CPA4: variants seen among roughly 807,000 people sequenced by gnomAD.
CPA4 encodes the protein carboxypeptidase A4.
A neutral mutation model predicts 54.7 loss-of-function variants in CPA4; 49 were observed. The observed-to-expected ratio is 0.90, with a 90% CI of 0.71 to 1.14. The LOEUF is 1.14. CPA4 is among the 50% of genes most tolerant of loss of function. CPA4 has a pLI of 0.00. For missense variants in CPA4, 487 were observed against 525.1 expected, an observed-to-expected ratio of 0.93 and a Z score of 0.71; for synonymous variants, 215 against 206.8, an observed-to-expected ratio of 1.04 and a Z score of -0.34.
At position 130,304,545 on chromosome 7, in the gene CPA4, A is replaced by G. The variant is rs1236355837; in HGVS notation, c.452A>G (p.His151Arg). ...CTGGCGAGGAGGGTGAAGATTGGAC[A>G]TTCGTTTGAAAACCGGCCGATGTAT... ...PDLARRVKIG[H>R]SFENRPMYVL... is the part of the protein sequence containing the mutation. Residue 151 changes from histidine (H) to arginine (R), a missense_variant, in exon 5 of 11, where the codon CAT (histidine) becomes CGT (arginine). By Grantham distance (29) the His-to-Arg change is conservative (BLOSUM62 0). Transcript: ENST00000222482. 6.2e-7 allele frequency: 1 copy of G among 1,613,518 alleles called. No individual in the cohort carries two copies. The highest frequency in any genetic ancestry group is 8.5e-7 in the Non-Finnish European group (1 of 1,179,518).
At chr7:130,313,514 GT>G (rs1793943806) in intron 10 of CPA4, among the ~76,000 whole-genome samples, 1 of 151,768 alleles carries the variant, frequency 6.6e-6, no homozygotes, top group Non-Finnish European at 1.5e-5. Context: ...GAGGAGTCTA[GT>G]TGGTCTTGGG....
intron 9 of CPA4, among the ~76,000 whole-genome samples, 160 bp downstream of exon 9, chr7:130,311,146 C>T (rs1314685801): frequency 6.6e-6 from 1 of 152,148 alleles, no homozygotes; most frequent in East Asian, 1.9e-4. Flanking sequence ...ATGCTGTCAT[C>T]TGCTGGGGAC....
Position 130,322,590 on chromosome 7 carries a change from C to T in CPA4, c.1180C>T (p.Pro394Ser). Residue 394 changes from proline to serine, a missense_variant, in exon 11 of 11, where the codon CCA becomes TCA. Pro to Ser is a moderately conservative substitution (Grantham distance 74). Coordinates refer to ENST00000222482, the MANE Select transcript of CPA4 (RefSeq NM_016352.4). Reference sequence around the variant, plus strand: ...TACCGGGACCTATGGCTTCCTCCTGCCAGCTAACCAGATCATCCCCACTGC... The same window carrying T: ...TACCGGGACCTATGGCTTCCTCCTGTCAGCTAACCAGATCATCCCCACTGC... Reference protein sequence around the residue: ...RDTGTYGFLLPANQIIPTAEE... With the variant: ...RDTGTYGFLLSANQIIPTAEE... The T allele has an allele frequency of 6.2e-7, 1 of 1,614,196 alleles. No homozygotes were observed. The highest frequency in any genetic ancestry group is 8.5e-7 in the Non-Finnish European group (1 of 1,180,026).
chr7:130,308,723 A>ATTTTTTTGTATTTTTC (rs199996063), intron 8 of CPA4, among the ~76,000 whole-genome samples: 1 of 145,182 alleles, frequency 6.9e-6, no homozygotes, highest in African/African-American at 2.7e-5. Context: ...ACGCCCGGCT[A>ATTTTTTTGTATTTTTC]TTTTTTTTCA....
intron 7 of CPA4, 35 bp from the exon 8 acceptor site, chr7:130,308,272 C>T: frequency 6.4e-7 from 1 of 1,570,290 alleles, no homozygotes; most frequent in Non-Finnish European, 8.8e-7. Flanking sequence ...TGATCTGCCT[C>T]TGGTTGTTTG....
At chr7:130,321,769 G>A (rs773187781) in intron 10 of CPA4, among the ~76,000 whole-genome samples, 6 of 152,112 alleles carry the variant, frequency 3.9e-5, no homozygotes, top group Non-Finnish European at 8.8e-5. Flanking sequence ...TCACTACCAC[G>A]AGAACAGTAT....
rs1794131998 is a variant in CPA4 at position 130,322,622 on chromosome 7, G to T, written c.1212G>T (p.Glu404Asp). 6.2e-7 allele frequency: 1 copy of T among 1,614,218 alleles called. No individual in the cohort carries two copies. Among genetic ancestry groups the T allele is most frequent in the Non-Finnish European group, 8.5e-7 (1 of 1,180,036 alleles). The change falls in exon 11 of 11, where the codon GAG (glutamate) becomes GAT (aspartate). Residue 404 changes from glutamate (E) to aspartate (D), a missense_variant. Transcript: ENST00000222482. Reference protein sequence around the residue: ...PANQIIPTAEETWLGLKTIME... With the variant: ...PANQIIPTAEDTWLGLKTIME... ...ACCAGATCATCCCCACTGCAGAGGAGACGTGGCTGGGGCTGAAGACCATCA... is the reference window on the plus strand; with the variant it reads ...ACCAGATCATCCCCACTGCAGAGGATACGTGGCTGGGGCTGAAGACCATCA...
chr7:130,311,925 A>G lies in CPA4; in HGVS notation c.994-113A>G, dbSNP rs138990193. ...GGGCGAAGGGGAAACAAGGGACCAGAAAGGAAATCGGGGGGGGCTGAGAAT... is the reference window on the plus strand; with the variant it reads ...GGGCGAAGGGGAAACAAGGGACCAGGAAGGAAATCGGGGGGGGCTGAGAAT... On this transcript the variant is annotated intron_variant, in intron 9 of 10. Transcript: ENST00000222482. 9.1e-6 allele frequency: 7 copies of G among 772,486 alleles called. No homozygotes were observed. In the Admixed American group the frequency reaches 1.5e-4, roughly 16 times the overall value. The allele number at this position is 772,486 out of a possible 1,614,324, so 47.9% of individuals were successfully genotyped here. A position where few individuals can be genotyped will look rare whatever the true frequency, so the allele number is the denominator to read the frequency against.
At chr7:130,300,755 A>G in intron 3 of CPA4, 61 bp from the exon 4 acceptor site, 1 of 1,188,856 alleles carries the variant, frequency 8.4e-7, no homozygotes, top group Non-Finnish European at 1.3e-6. Flanking sequence ...AAGATATGGC[A>G]GAAAAAACAT....
chr7:130,294,903 T>C (rs2117127718), intron 1 of CPA4, among the ~76,000 whole-genome samples: 1 of 152,322 alleles, frequency 6.6e-6, no homozygotes, highest in African/African-American at 2.4e-5. Context: ...AGGCTCTGGA[T>C]TGGCTGCTGA....
intron 10 of CPA4, among the ~76,000 whole-genome samples, chr7:130,317,277 T>C (rs2117162477): frequency 6.6e-6 from 1 of 152,336 alleles, no homozygotes; most frequent in East Asian, 1.9e-4. Flanking sequence ...TAACATGCTG[T>C]GCAGGCTTGT....
chr7:130,305,154 A>T (rs1038627), intron 5 of CPA4, among the ~76,000 whole-genome samples: 2 of 152,070 alleles, frequency 1.3e-5, no homozygotes, highest in African/African-American at 4.8e-5. Flanking sequence ...ATGGAACACC[A>T]ATGGTGCTAA....
At chr7:130,300,333 ATTTT>A (rs767924823) in intron 3 of CPA4, among the ~76,000 whole-genome samples, 53 of 124,422 alleles carry the variant, frequency 4.3e-4, no homozygotes, top group African/African-American at 1.5e-3. Context: ...CAAGAAGTAA[ATTTT>A]TTTTTTTTTT....
At chr7:130,294,781 G>A (rs1793623620) in intron 1 of CPA4, among the ~76,000 whole-genome samples, 1 of 152,212 alleles carries the variant, frequency 6.6e-6, no homozygotes, top group African/African-American at 2.4e-5. Flanking sequence ...CAAAGGTAGT[G>A]GAATTCTTCC....
In CPA4 at chr7:130,299,259, G is replaced by C. The variant is rs1468879639; in HGVS notation, c.151-11G>C. On this transcript the variant is annotated splice_polypyrimidine_tract_variant and intron_variant, in intron 2 of 10. Coordinates refer to ENST00000222482, the MANE Select transcript of CPA4 (RefSeq NM_016352.4). ...GGTCCTTTAACCTGGTTTCATTTCTGTTCCCTTCAGCTCAATTTCTGGAAA... is the reference window on the plus strand; with the variant it reads ...GGTCCTTTAACCTGGTTTCATTTCTCTTCCCTTCAGCTCAATTTCTGGAAA... The C allele has an allele frequency of 6.2e-7, 1 of 1,613,594 alleles. No individual in the cohort carries two copies. Among genetic ancestry groups the C allele is most frequent in the East Asian group, 2.2e-5 (1 of 44,886 alleles).
chr7:130,308,364 G>A lies in CPA4; in HGVS notation c.760G>A (p.Asp254Asn). The change falls in exon 8 of 11, where the codon GAC (aspartate) becomes AAC (asparagine). Residue 254 changes from aspartate (D) to asparagine (N), a missense_variant. Transcript: ENST00000222482. ...TCCTGGAAGCTCCTGCATTGGTGCTGACCCAAATAGAAACTGGAACGCTAG... is the reference window on the plus strand; with the variant it reads ...TCCTGGAAGCTCCTGCATTGGTGCTAACCCAAATAGAAACTGGAACGCTAG... ...RNPGSSCIGA[D>N]PNRNWNASFA... 6.2e-7 allele frequency: 1 copy of A among 1,614,184 alleles called. No individual in the cohort carries two copies. Among genetic ancestry groups the A allele is most frequent in the Admixed American group, 1.7e-5 (1 of 60,022 alleles).
intron 6 of CPA4, among the ~76,000 whole-genome samples, chr7:130,306,484 A>G (rs1793822997): frequency 1.3e-5 from 2 of 152,210 alleles, no homozygotes; most frequent in Non-Finnish European, 1.5e-5. Flanking sequence ...CCTAAAAACT[A>G]TTACAATGTG....
chr7:130,315,627 A>G (rs1399992197), intron 10 of CPA4, among the ~76,000 whole-genome samples: 1 of 152,174 alleles, frequency 6.6e-6, no homozygotes, highest in Non-Finnish European at 1.5e-5. Flanking sequence ...TTTGGAGGCG[A>G]CAATAGAAAT....
intron 2 of CPA4, 86 bp from the exon 3 acceptor site, chr7:130,299,184 C>T: frequency 2.2e-6 from 3 of 1,394,538 alleles, no homozygotes; most frequent in Non-Finnish European, 2.0e-6. Context: ...ATCACCCTGG[C>T]TTTTGGCAGT....
Sources: allele counts gnomAD v4.1 joint callset (sites outside exome capture counted in the v4.1 genomes callset), GRCh38; gene constraint gnomAD v4.1.1; transcripts MANE v1.5; gene names NCBI Gene and HGNC (gene_info 2026-07-23, HGNC 2026-07-21).